The following RADX variants were observed in gnomAD, a reference collection of about 807,000 sequenced individuals.
RADX encodes the protein RPA1 related single stranded DNA binding protein, X-linked.
A neutral mutation model predicts 61.6 loss-of-function variants in RADX; 36 were observed. That is an observed-to-expected ratio of 0.58 (90% CI 0.45 to 0.77). The LOEUF (loss-of-function observed/expected upper bound fraction) is 0.77. Ranked by LOEUF, RADX falls within the 30% of genes least tolerant of loss-of-function variation. The pLI is 0.00. For synonymous variants in RADX, 272 were observed against 237.9 expected (o/e 1.14, Z -1.32); for missense variants, 497 against 651.1 (o/e 0.76, Z 2.58).
rs769649574 is a variant in RADX at position 106,613,054 on chromosome X, G to C, written c.643+331G>C. ...GTTCGTTACATGTTTGATTGTGGTG[G>C]AATTAATCTTAGTTTTATTCCCAAT... is the stretch of plus-strand genomic sequence containing the variant. On this transcript the variant is annotated intron_variant, in intron 1 of 13. Transcript: ENST00000372548. 4.5e-5 allele frequency among the ~76,000 whole-genome samples: 5 copies of C among 112,127 alleles called. No individual in the cohort carries two copies. In the East Asian group the frequency reaches 1.4e-3, roughly 31 times the overall value.
At position 106,612,077 on chromosome X, in the gene RADX, A is replaced by C; in HGVS notation, c.-4A>C. ...GAGTGAAGCGGGTACGCAGTTATCC[A>C]ACAATGTCTGGTGAGTCAGGACAGC... On this transcript the variant is annotated 5_prime_UTR_variant, in exon 1 of 14. Coordinates refer to ENST00000372548, the MANE Select transcript of RADX (RefSeq NM_018015.6). 1 of 1,200,207 alleles carries C rather than the reference A, an allele frequency of 8.3e-7. No individual in the cohort carries two copies. Among genetic ancestry groups the C allele is most frequent in the East Asian group, 3.0e-5 (1 of 33,760 alleles).
chrX:106,677,875 C>T (rs1042774947), intron 13 of RADX, among the ~76,000 whole-genome samples: 1 of 109,879 alleles, frequency 9.1e-6, no homozygotes, highest in Non-Finnish European at 1.9e-5. Context: ...AACAAAAACC[C>T]GAAAACTAAA....
In RADX at chrX:106,669,216, G is replaced by A; in HGVS notation, c.2323G>A (p.Glu775Lys). 1 of 1,197,502 alleles carries A rather than the reference G, an allele frequency of 8.4e-7. No homozygotes were observed. Among genetic ancestry groups the A allele is most frequent in the Non-Finnish European group, 1.1e-6 (1 of 882,785 alleles). Residue 775 changes from glutamate to lysine, a missense_variant, in exon 13 of 14, where the codon GAA becomes AAA. Physicochemically the swap from Glu to Lys is moderately conservative, Grantham distance 56 (BLOSUM62 1). Transcript: ENST00000372548. ...TGCTTTCCTACCCATGTATTGTCCA[G>A]AAGATATTCGAACATCTCAAATAGA... is the stretch of plus-strand genomic sequence containing the variant. ...DVAFLPMYCP[E>K]DIRTSQIDTL... is the part of the protein sequence containing the mutation.
At chrX:106,674,463 TTTGTTG>T (rs756763825) in intron 13 of RADX, among the ~76,000 whole-genome samples, 1 of 112,033 alleles carries the variant, frequency 8.9e-6, no homozygotes, top group African/African-American at 3.3e-5. Flanking sequence ...TCTGTTTTGT[TTTGTTG>T]TTGTTGTTGT....
chrX:106,623,828 A>T (rs1927011545), intron 2 of RADX, among the ~76,000 whole-genome samples: 1 of 111,565 alleles, frequency 9.0e-6, no homozygotes, highest in Admixed American at 9.5e-5. Flanking sequence ...TTCATCCATA[A>T]TACTTTACAG....
intron 1 of RADX, among the ~76,000 whole-genome samples, chrX:106,616,021 T>C (rs2147608779): frequency 9.0e-6 from 1 of 111,731 alleles, no homozygotes; most frequent in African/African-American, 3.3e-5. Flanking sequence ...ACAGAAATTA[T>C]ATGTTCCTTA....
In RADX at chrX:106,636,477, G is replaced by C. The variant is rs1927361795; in HGVS notation, c.1304-66G>C. On this transcript the variant is annotated intron_variant, in intron 6 of 13. Coordinates refer to ENST00000372548, the MANE Select transcript of RADX (RefSeq NM_018015.6). ...TTAAAGTTTGAGAAGCATTGTGTTA[G>C]ATCCTGATCTTGTTATGTCCTATTT... 9.6e-6 allele frequency: 6 copies of C among 622,730 alleles called. No individual in the cohort carries two copies. The East Asian group carries it at 2.0e-4, about 21-fold the overall frequency. The allele number at this position is 622,730 out of a possible 1,213,427, so 51.3% of individuals were successfully genotyped here. A position where few individuals can be genotyped will look rare whatever the true frequency, so the allele number is the denominator to read the frequency against.
At chrX:106,637,459 T>C (rs1370279713) in intron 7 of RADX, among the ~76,000 whole-genome samples, 4 of 112,148 alleles carry the variant, frequency 3.6e-5, no homozygotes, top group African/African-American at 1.3e-4. Flanking sequence ...ACCATTTGGA[T>C]GGTTAGAAAA....
At chrX:106,640,944 G>A (rs946363124) in intron 10 of RADX, among the ~76,000 whole-genome samples, 7 of 110,650 alleles carry the variant, frequency 6.3e-5, no homozygotes, top group Non-Finnish European at 1.1e-4. Flanking sequence ...TCAGGGCTGC[G>A]AGAGAGAATC....
At chrX:106,650,047 G>A (rs181675648) in intron 11 of RADX, among the ~76,000 whole-genome samples, 92 of 111,240 alleles carry the variant, frequency 8.3e-4, no homozygotes, top group African/African-American at 2.9e-3. Flanking sequence ...CACATGGGAA[G>A]GAGAGTCCAG....
chrX:106,652,332 T>A lies in RADX; in HGVS notation c.1978+3946T>A, dbSNP rs543560310. Among the ~76,000 whole-genome samples, 65 of 110,131 alleles carry A rather than the reference T, an allele frequency of 5.9e-4. No individual in the cohort carries two copies. The South Asian group carries it at 0.023, about 39-fold the overall frequency. The stretch of plus-strand genomic sequence containing the variant: ...TAGTGAGAACCAATCTCAAAAGAAA[T>A]TTTTTTTAAGAGAGAGACATACTTA... On this transcript the variant is annotated intron_variant, in intron 11 of 13. Coordinates refer to ENST00000372548, the MANE Select transcript of RADX (RefSeq NM_018015.6).
chrX:106,660,923 G>A (rs1244926486), intron 11 of RADX, among the ~76,000 whole-genome samples: 1 of 111,642 alleles, frequency 9.0e-6, no homozygotes, highest in East Asian at 2.8e-4. Flanking sequence ...GAGGCCTCAG[G>A]AAACCTACAA....
In RADX at chrX:106,679,124, G is replaced by GT. The variant is rs200746097; in HGVS notation, c.*868dup. On this transcript the variant is annotated 3_prime_UTR_variant, in exon 14 of 14. Transcript: ENST00000372548. ...CACTCTGCATTTGCAAGGCCCGGTG[G>GT]TTGACATCTGTGTGGTTTGTTAGAT... is the stretch of plus-strand genomic sequence containing the variant. 465 of 112,077 alleles carry GT rather than the reference G, an allele frequency of 4.1e-3. 3 individuals are homozygous for GT. The highest frequency in any genetic ancestry group is 0.014 in the African/African-American group (435 of 30,856). The allele number at this position is 112,077 out of a possible 1,213,427, so 9.2% of individuals were successfully genotyped here. A position where few individuals can be genotyped will look rare whatever the true frequency, so the allele number is the denominator to read the frequency against.
chrX:106,629,017 C>A (rs1432290030), intron 3 of RADX, among the ~76,000 whole-genome samples: 1 of 112,071 alleles, frequency 8.9e-6, no homozygotes, highest in Non-Finnish European at 1.9e-5. Flanking sequence ...ATATTATTTG[C>A]TGGATGTGTA....
intron 1 of RADX, among the ~76,000 whole-genome samples, chrX:106,621,678 G>A (rs746127224): frequency 3.0e-4 from 33 of 111,350 alleles, no homozygotes; most frequent in Admixed American, 9.6e-4. Flanking sequence ...AAAGTAAAGT[G>A]GAATGGAGGA....
chrX:106,633,986 G>A (rs1305149647), intron 6 of RADX, among the ~76,000 whole-genome samples: 1 of 111,573 alleles, frequency 9.0e-6, no homozygotes, highest in African/African-American at 3.2e-5. Flanking sequence ...AGCTATTGTA[G>A]TTAGGGGATG....
intron 10 of RADX, among the ~76,000 whole-genome samples, chrX:106,647,228 T>A (rs1927680193): frequency 9.0e-6 from 1 of 111,396 alleles, no homozygotes. Context: ...CACAAATAAG[T>A]GAGAACATGC....
At chrX:106,655,529 C>G (rs1336229137) in intron 11 of RADX, among the ~76,000 whole-genome samples, 1 of 107,463 alleles carries the variant, frequency 9.3e-6, no homozygotes, top group African/African-American at 3.4e-5. Flanking sequence ...GCTTGATGTT[C>G]CCTACCCTGT....
intron 2 of RADX, among the ~76,000 whole-genome samples, chrX:106,623,425 CAAG>C (rs754166259): frequency 9.0e-6 from 1 of 111,366 alleles, no homozygotes; most frequent in South Asian, 3.7e-4. Context: ...CCCATGATAT[CAAG>C]AACTATTTTA....
Sources: allele counts gnomAD v4.1 joint callset (sites outside exome capture counted in the v4.1 genomes callset), GRCh38; gene constraint gnomAD v4.1.1; transcripts MANE v1.5; gene names NCBI Gene and HGNC (gene_info 2026-07-23, HGNC 2026-07-21).